Variants in SMC5 observed in about 807,000 individuals in gnomAD.
SMC5 encodes the protein structural maintenance of chromosomes 5.
In SMC5, 88 loss-of-function variants were observed where a neutral mutation model predicts 148.3. That is an observed-to-expected ratio of 0.59 (90% CI 0.50 to 0.71). The LOEUF is 0.71. SMC5 is among the 30% of genes least tolerant of loss of function. The pLI is 0.00. For synonymous variants in SMC5, 421 were observed against 432.8 expected (o/e 0.97, Z 0.34); for missense variants, 1,142 against 1,298.9 (o/e 0.88, Z 1.86).
intron 18 of SMC5, 97 bp downstream of exon 18, chr9:70,344,366 G>A (rs1429140643): frequency 4.4e-6 from 4 of 917,848 alleles, no homozygotes; most frequent in Non-Finnish European, 5.8e-6. Flanking sequence ...AAAACATGAT[G>A]TGTCGTAAAA....
chr9:70,342,505 T>C (rs1258859902), intron 17 of SMC5, among the ~76,000 whole-genome samples: 1 of 152,044 alleles, frequency 6.6e-6, no homozygotes, highest in Non-Finnish European at 1.5e-5. Flanking sequence ...CCCCCAGCTG[T>C]TTTTTGTGCC....
chr9:70,305,753 T>C (rs867121677), intron 11 of SMC5, among the ~76,000 whole-genome samples: 4 of 152,188 alleles, frequency 2.6e-5, no homozygotes, highest in Middle Eastern at 3.2e-3. Flanking sequence ...CTTATTAATA[T>C]AAATAAAACG....
At chr9:70,322,305 AT>A (rs2035968902) in intron 15 of SMC5, among the ~76,000 whole-genome samples, 1 of 152,186 alleles carries the variant, frequency 6.6e-6, no homozygotes, top group Non-Finnish European at 1.5e-5. Context: ...CAATTGCTGT[AT>A]TGAACCCATT....
intron 6 of SMC5, among the ~76,000 whole-genome samples, chr9:70,281,815 T>A (rs2034757655): frequency 1.3e-5 from 2 of 152,100 alleles, no homozygotes; most frequent in South Asian, 4.1e-4. Context: ...CTTTTGATTT[T>A]CCTTATTTTT....
At position 70,305,328 on chromosome 9, in the gene SMC5, A is replaced by AG; in HGVS notation, c.1547dup (p.Ser516ArgfsTer14). The AG allele has an allele frequency of 1.2e-6, 2 of 1,602,030 alleles. No homozygotes were observed. The highest frequency in any genetic ancestry group is 1.7e-6 in the Non-Finnish European group (2 of 1,171,920). On this transcript the variant is annotated frameshift_variant, in exon 11 of 25. Transcript: ENST00000361138. LOFTEE classifies it high-confidence loss of function. ...TGACTTAAGAGCCTTTGTATTTGAA[A>AG]GTCAAGAAGATATGGAGGTTTTCCT...
Position 70,282,557 on chromosome 9 carries a change from AATTTGG to A in SMC5, c.957_962del (p.Asn319_Glu321delinsLys). 1 of 1,583,774 alleles carries A rather than the reference AATTTGG, an allele frequency of 6.3e-7. No individual in the cohort carries two copies. The highest frequency in any genetic ancestry group is 1.9e-5 in the Admixed American group (1 of 53,838). Reference sequence around the variant, plus strand: ...TGAAGAAATGGAAAACGAGCGTCACAATTTGGAGGCTCGAATCAAAGAAAAGGTACT... The same window carrying A: ...TGAAGAAATGGAAAACGAGCGTCACAAGGCTCGAATCAAAGAAAAGGTACT... On this transcript the variant is annotated inframe_deletion, in exon 7 of 25. Transcript: ENST00000361138.
Position 70,300,203 on chromosome 9 carries a change from A to G in SMC5, c.1464+3A>G, listed in dbSNP as rs768816018. On this transcript the variant is annotated splice_donor_region_variant and intron_variant, in intron 10 of 24. Coordinates refer to ENST00000361138, the MANE Select transcript of SMC5 (RefSeq NM_015110.4). ...TCTGTGAGCCCATAATGCTCACGGT[A>G]AGAAACTTTGTTCATCTTGGTAGTA... The G allele has an allele frequency of 1.3e-6, 2 of 1,578,246 alleles. No individual in the cohort carries two copies. The highest frequency in any genetic ancestry group is 8.5e-7 in the Non-Finnish European group (1 of 1,170,462).
intron 8 of SMC5, among the ~76,000 whole-genome samples, chr9:70,296,183 A>G (rs889941034): frequency 6.6e-6 from 1 of 152,222 alleles, no homozygotes; most frequent in Non-Finnish European, 1.5e-5. Flanking sequence ...TATGCACAAG[A>G]TGTTAAAATT....
chr9:70,343,675 G>C (rs1466101920), intron 17 of SMC5, among the ~76,000 whole-genome samples: 1 of 152,026 alleles, frequency 6.6e-6, no homozygotes, highest in Non-Finnish European at 1.5e-5. Context: ...AATTAGCCAG[G>C]CATGGTGGTA....
chr9:70,321,403 T>G (rs996888552), intron 15 of SMC5, among the ~76,000 whole-genome samples: 6 of 136,686 alleles, frequency 4.4e-5, no homozygotes, highest in African/African-American at 1.5e-4. Flanking sequence ...TCTTTTTTTT[T>G]TTTTTTTGAG....
intron 10 of SMC5, among the ~76,000 whole-genome samples, chr9:70,302,759 G>T (rs1466495836): frequency 1.3e-5 from 2 of 152,126 alleles, no homozygotes; most frequent in Non-Finnish European, 2.9e-5. Context: ...ATTACACTTG[G>T]GAAAAAGTGT....
chr9:70,315,467 T>C lies in SMC5; in HGVS notation c.1695T>C (p.Tyr565=), dbSNP rs1482827727. The change falls in exon 13 of 25, where the codon TAT becomes TAC. Residue 565 remains tyrosine (Y), a synonymous_variant. Transcript: ENST00000361138. ...TCAGACAATACGGATTTTTCTCTTA[T>C]TTGAGAGAATTATTTGATGCACCTG... ...NELKQYGFFS[Y]LRELFDAPDP... The C allele has an allele frequency of 2.5e-6, 4 of 1,591,100 alleles. No individual in the cohort carries two copies. Among genetic ancestry groups the C allele is most frequent in the Admixed American group, 1.7e-5 (1 of 58,694 alleles).
intron 15 of SMC5, among the ~76,000 whole-genome samples, chr9:70,321,934 T>G (rs2035957972): frequency 6.6e-6 from 1 of 152,198 alleles, no homozygotes; most frequent in South Asian, 2.1e-4. Flanking sequence ...TTCTCGTCTA[T>G]AGACTAAAGA....
At chr9:70,347,865 AGAATATAGT>A in intron 21 of SMC5, 45 bp from the exon 22 acceptor site, 2 of 1,497,242 alleles carry the variant, frequency 1.3e-6, no homozygotes, top group Non-Finnish European at 1.8e-6. Context: ...ATTGTGTGTC[AGAATATAGT>A]AATACTGCTT....
At chr9:70,269,533 A>G (rs1236341265) in intron 3 of SMC5, among the ~76,000 whole-genome samples, 1 of 152,158 alleles carries the variant, frequency 6.6e-6, no homozygotes, top group East Asian at 1.9e-4. Context: ...GTGAGCCATG[A>G]TTGTGCCACC....
chr9:70,320,665 T>A (rs1409126149), intron 15 of SMC5, among the ~76,000 whole-genome samples: 1 of 152,184 alleles, frequency 6.6e-6, no homozygotes, highest in Non-Finnish European at 1.5e-5. Context: ...TTTGGAATCC[T>A]TAGGGAGTCC....
intron 17 of SMC5, among the ~76,000 whole-genome samples, chr9:70,342,916 A>G (rs1412623359): frequency 6.6e-6 from 1 of 152,120 alleles, no homozygotes; most frequent in Admixed American, 6.6e-5. Flanking sequence ...TTGGAATGTC[A>G]TCTGCTGTAT....
intron 2 of SMC5, among the ~76,000 whole-genome samples, chr9:70,265,327 C>T (rs1284537601): frequency 2.0e-5 from 3 of 151,978 alleles, no homozygotes; most frequent in Admixed American, 6.6e-5. Context: ...GGCATGGTGG[C>T]GGGTGCCTGT....
chr9:70,282,689 C>A, intron 7 of SMC5, 106 bp downstream of exon 7: 2 of 1,160,870 alleles, frequency 1.7e-6, no homozygotes, highest in Non-Finnish European at 2.4e-6. Context: ...TTGTATCTTT[C>A]ATTTCTTAAG....
Sources: allele counts gnomAD v4.1 joint callset (sites outside exome capture counted in the v4.1 genomes callset), GRCh38; gene constraint gnomAD v4.1.1; transcripts MANE v1.5; gene names NCBI Gene and HGNC (gene_info 2026-07-23, HGNC 2026-07-21).